GRIN2A: variants seen among roughly 807,000 people sequenced by gnomAD.
GRIN2A encodes the protein glutamate ionotropic receptor NMDA type subunit 2A.
Under a neutral mutation model 113.4 loss-of-function variants are expected in GRIN2A, and 22 were observed. That is an observed-to-expected ratio of 0.19 (90% CI 0.14 to 0.28). The LOEUF is 0.28. GRIN2A is among the 10% of genes least tolerant of loss of function. The probability of loss-of-function intolerance (pLI) is 1.00; values close to 1 mark genes in which losing one functional copy is unlikely to be tolerated. For synonymous variants in GRIN2A, 827 were observed against 738.4 expected (o/e 1.12, Z -1.94); for missense variants, 1,502 against 1,887.0 (o/e 0.80, Z 3.78).
At chr16:10,046,572 G>A (rs1335420984) in intron 2 of GRIN2A, among the ~76,000 whole-genome samples, 2 of 152,098 alleles carry the variant, frequency 1.3e-5, no homozygotes, top group Non-Finnish European at 2.9e-5. Context: ...ACCTTTCAAT[G>A]CATCCCAATG....
At chr16:9,991,447 T>C (rs1043861144) in intron 2 of GRIN2A, among the ~76,000 whole-genome samples, 10 of 152,222 alleles carry the variant, frequency 6.6e-5, no homozygotes, top group African/African-American at 2.4e-4. Flanking sequence ...GCATTTTTGT[T>C]ATATGGATAT....
chr16:10,179,921 C>T (rs772512779), intron 2 of GRIN2A, 77 bp downstream of exon 2: 17 of 706,616 alleles, frequency 2.4e-5, no homozygotes, highest in African/African-American at 2.1e-4. Context: ...ATTCTAGGGG[C>T]GTCCGAAGAC....
intron 2 of GRIN2A, among the ~76,000 whole-genome samples, chr16:9,967,023 ATTCTCACTATTAG>A (rs2141721702): frequency 6.6e-6 from 1 of 152,312 alleles, no homozygotes; most frequent in Non-Finnish European, 1.5e-5. Flanking sequence ...TCACGATGAA[ATTCTCACTATTAG>A]TTCAGCACTA....
intron 2 of GRIN2A, among the ~76,000 whole-genome samples, chr16:10,044,385 A>G (rs1047487757): frequency 1.4e-4 from 21 of 151,796 alleles, no homozygotes; most frequent in Middle Eastern, 3.4e-3. Flanking sequence ...TCATGTGTAC[A>G]TGGCTTTTTG....
At chr16:9,906,168 A>C (rs2044024224) in intron 3 of GRIN2A, among the ~76,000 whole-genome samples, 1 of 152,084 alleles carries the variant, frequency 6.6e-6, no homozygotes, top group African/African-American at 2.4e-5. Flanking sequence ...ATGTTCCCAC[A>C]CCTCAGTTCT....
At chr16:9,963,085 C>T (rs959142760) in intron 2 of GRIN2A, among the ~76,000 whole-genome samples, 6 of 135,722 alleles carry the variant, frequency 4.4e-5, no homozygotes, top group African/African-American at 1.7e-4. Context: ...AACACACGGA[C>T]ACAGGAAAGG....
intron 10 of GRIN2A, among the ~76,000 whole-genome samples, chr16:9,815,403 T>TAAC (rs1053154469): frequency 1.9e-5 from 2 of 105,846 alleles, no homozygotes; most frequent in African/African-American, 3.8e-5. Context: ...TCTTAAAACC[T>TAAC]AACAACAACC....
At chr16:10,132,517 C>T (rs116403548) in intron 2 of GRIN2A, among the ~76,000 whole-genome samples, 3 of 152,234 alleles carry the variant, frequency 2.0e-5, no homozygotes, top group African/African-American at 4.8e-5. Context: ...TGAGCTATGT[C>T]GTGATGGCTT....
intron 2 of GRIN2A, among the ~76,000 whole-genome samples, chr16:10,071,304 G>T (rs972999868): frequency 6.6e-6 from 1 of 152,172 alleles, no homozygotes; most frequent in African/African-American, 2.4e-5. Context: ...GGTTCTAGAA[G>T]AATGTGTCAT....
chr16:9,766,741 TAAATC>T lies in GRIN2A; in HGVS notation c.2596-1798_2596-1794del, dbSNP rs201059206. On this transcript the variant is annotated intron_variant, in intron 12 of 12. Transcript: ENST00000330684. ...CATCTCAAAAAAATAAATAAGTAAA[TAAATC>T]AAATCAAATCAATCAATCAATCAAT... Among the ~76,000 whole-genome samples, 712 of 151,980 alleles carry T rather than the reference TAAATC, an allele frequency of 4.7e-3. 6 individuals carry two copies. Among genetic ancestry groups the T allele is most frequent in the East Asian group, 7.2e-3 (37 of 5,170 alleles).
At chr16:10,078,591 A>C (rs943163358) in intron 2 of GRIN2A, among the ~76,000 whole-genome samples, 3 of 152,124 alleles carry the variant, frequency 2.0e-5, no homozygotes, top group Admixed American at 6.5e-5. Flanking sequence ...AAGCCAGGCC[A>C]CGTAGTCATG....
chr16:9,964,578 T>C (rs116325314), intron 2 of GRIN2A, among the ~76,000 whole-genome samples: 5 of 152,204 alleles, frequency 3.3e-5, no homozygotes, highest in Non-Finnish European at 7.3e-5. Flanking sequence ...CCGGAGGCCG[T>C]AGGGGAGAAT....
At chr16:10,151,886 G>C (rs1221417573) in intron 2 of GRIN2A, among the ~76,000 whole-genome samples, 2 of 152,150 alleles carry the variant, frequency 1.3e-5, no homozygotes, top group Non-Finnish European at 2.9e-5. Context: ...CTCCTCATCT[G>C]ACACTACAGC....
At position 10,146,071 on chromosome 16, in the gene GRIN2A, A is replaced by C. The variant is rs144930501; in HGVS notation, c.414+33927T>G. Among the ~76,000 whole-genome samples the C allele has an allele frequency of 3.3e-3, 504 of 152,336 alleles. 4 individuals carry two copies. Among genetic ancestry groups the C allele is most frequent in the African/African-American group, 0.012 (489 of 41,574 alleles). ...CCAGGTAGAAACACAAATAAAAGGA[A>C]GACAGGAACAAGATGGGAGCACGGA... On this transcript the variant is annotated intron_variant, in intron 2 of 12. Coordinates refer to ENST00000330684, the MANE Select transcript of GRIN2A (RefSeq NM_001134407.3).
chr16:9,951,328 G>T (rs557629515), intron 2 of GRIN2A, among the ~76,000 whole-genome samples: 89 of 152,306 alleles, frequency 5.8e-4, no homozygotes, highest in Admixed American at 2.3e-3. Flanking sequence ...ATGTAAATAA[G>T]CATCTTATGG....
At chr16:10,039,838 G>GAGAGAGAGAGAGAGAGAC (rs1567254030) in intron 2 of GRIN2A, among the ~76,000 whole-genome samples, 1 of 95,836 alleles carries the variant, frequency 1.0e-5, no homozygotes, top group African/African-American at 4.8e-5. Context: ...AGAGAGAGGA[G>GAGAGAGAGAGAGAGAGAC]TCCTGGTCCA....
chr16:9,807,363 AGAGGGG>A (rs140089428), intron 10 of GRIN2A, among the ~76,000 whole-genome samples: 796 of 28,072 alleles, frequency 0.028, 54 homozygotes, highest in African/African-American at 0.12. Flanking sequence ...AGAGGGAGGG[AGAGGGG>A]GAGGGAGAGG....
intron 2 of GRIN2A, among the ~76,000 whole-genome samples, chr16:10,155,583 C>T (rs1097785): frequency 0.25 from 38,157 of 152,152 alleles, 4,963 homozygotes; most frequent in East Asian, 0.35. Flanking sequence ...ATTTAATGTA[C>T]TATCTTTTCC....
At chr16:9,790,997 C>A (rs1488838909) in intron 11 of GRIN2A, among the ~76,000 whole-genome samples, 2 of 152,158 alleles carry the variant, frequency 1.3e-5, no homozygotes, top group Non-Finnish European at 2.9e-5. Context: ...GTGTGCCAGG[C>A]ATGGACTAGC....
Sources: gnomAD v4.1 joint callset for allele counts (sites outside exome capture counted in the v4.1 genomes callset) on GRCh38, gnomAD v4.1.1 for gene constraint, MANE v1.5 for transcripts, NCBI Gene and HGNC (gene_info 2026-07-23, HGNC 2026-07-21) for gene names.